Variants in EYS observed in about 807,000 individuals in gnomAD.
EYS encodes the protein EGF-like photoreceptor maintenance factor.
In EYS, 250 loss-of-function variants were observed where a neutral mutation model predicts 282.1. The observed-to-expected ratio is 0.89, with a 90% CI of 0.80 to 0.98. The LOEUF (loss-of-function observed/expected upper bound fraction) is 0.98, where lower values mean the gene tolerates loss of function less well. Among genes scored for constraint, EYS ranks in the 50% least tolerant of loss-of-function variants. The pLI is 0.00. For missense variants in EYS, 4,016 were observed against 3,709.0 expected, an observed-to-expected ratio of 1.08 and a Z score of -2.15; for synonymous variants, 1,355 against 1,282.9, an observed-to-expected ratio of 1.06 and a Z score of -1.20.
intron 16 of EYS, among the ~76,000 whole-genome samples, chr6:64,903,415 C>A (rs2150072173): frequency 6.6e-6 from 1 of 152,206 alleles, no homozygotes; most frequent in African/African-American, 2.4e-5. Context: ...AAACTGTATT[C>A]ATTGTTTGCA....
Position 64,566,957 on chromosome 6 carries a change from T to C in EYS, c.5644+23266A>G, listed in dbSNP as rs1294634392. Among the ~76,000 whole-genome samples the C allele has an allele frequency of 2.6e-5, 4 of 152,074 alleles. No homozygotes were observed. The East Asian group carries it at 5.8e-4, about 22-fold the overall frequency. On this transcript the variant is annotated intron_variant, in intron 26 of 42. Coordinates refer to ENST00000503581, the MANE Select transcript of EYS (RefSeq NM_001142800.2). ...CCCAGCTAATGTTTTGAGTTTTTAA[T>C]AGAGACAGGGTTTCACCATGTTGGC...
Position 64,514,402 on chromosome 6 carries a change from C to T in EYS, c.5645-75050G>A, listed in dbSNP as rs114025631. ...AAATTAGGAGACTACATGGTTCCAT[C>T]GATCTTAAAAGAACAAACACTTGCC... is the stretch of plus-strand genomic sequence containing the variant. On this transcript the variant is annotated intron_variant, in intron 26 of 42. Transcript: ENST00000503581. Among the ~76,000 whole-genome samples, 189 of 151,872 alleles carry T rather than the reference C, an allele frequency of 1.2e-3. 1 individual carries two copies. The highest frequency in any genetic ancestry group is 6.8e-3 in the Middle Eastern group (2 of 294).
intron 7 of EYS, among the ~76,000 whole-genome samples, chr6:65,391,918 C>A (rs1766052291): frequency 6.6e-6 from 1 of 152,128 alleles, no homozygotes; most frequent in Admixed American, 6.5e-5. Context: ...TGACTTCAAA[C>A]TATACTACAA....
chr6:65,205,731 A>C (rs1469047158), intron 12 of EYS, among the ~76,000 whole-genome samples: 1 of 151,972 alleles, frequency 6.6e-6, no homozygotes, highest in Admixed American at 6.6e-5. Context: ...ATCATTACCA[A>C]GAAGAACTCT....
At chr6:64,026,358 A>T (rs894386830) in intron 33 of EYS, among the ~76,000 whole-genome samples, 1 of 152,134 alleles carries the variant, frequency 6.6e-6, no homozygotes, top group Admixed American at 6.5e-5. Flanking sequence ...TGTCTTTCAG[A>T]TGGGAAACAC....
At chr6:64,633,692 C>T (rs1290531081) in intron 22 of EYS, among the ~76,000 whole-genome samples, 1 of 151,624 alleles carries the variant, frequency 6.6e-6, no homozygotes, top group Non-Finnish European at 1.5e-5. Flanking sequence ...AGTTGGCTTC[C>T]TCCTACTCTG....
At chr6:64,096,858 C>A (rs1772637568) in intron 31 of EYS, among the ~76,000 whole-genome samples, 1 of 152,164 alleles carries the variant, frequency 6.6e-6, no homozygotes. Context: ...TTTTTCTGCT[C>A]TGTTTTTTCC....
At chr6:65,169,246 AG>A (rs1463472191) in intron 12 of EYS, among the ~76,000 whole-genome samples, 1 of 151,394 alleles carries the variant, frequency 6.6e-6, no homozygotes, top group Non-Finnish European at 1.5e-5. Flanking sequence ...AGATTGGAAA[AG>A]GCCAAGAGCT....
At chr6:64,487,820 A>G (rs1488518488) in intron 26 of EYS, among the ~76,000 whole-genome samples, 1 of 151,034 alleles carries the variant, frequency 6.6e-6, no homozygotes, top group Non-Finnish European at 1.5e-5. Flanking sequence ...AGTATTTACT[A>G]TGTGTTAGTG....
At chr6:64,366,649 G>A (rs1283303437) in intron 29 of EYS, among the ~76,000 whole-genome samples, 2 of 152,068 alleles carry the variant, frequency 1.3e-5, no homozygotes, top group Admixed American at 6.6e-5. Context: ...CAAGGAGGCT[G>A]TTAGCAAAGG....
At chr6:64,819,928 G>A (rs1764851422) in intron 21 of EYS, among the ~76,000 whole-genome samples, 1 of 151,950 alleles carries the variant, frequency 6.6e-6, no homozygotes, top group African/African-American at 2.4e-5. Context: ...ACTACAAATG[G>A]CAAATAATAG....
At position 65,477,671 on chromosome 6, in the gene EYS, G is replaced by A. The variant is rs193284957; in HGVS notation, c.862+12923C>T. Among the ~76,000 whole-genome samples the A allele has an allele frequency of 2.6e-5, 4 of 152,150 alleles. No homozygotes were observed. In the East Asian group the frequency reaches 7.7e-4, roughly 29 times the overall value. The stretch of plus-strand genomic sequence containing the variant: ...TTTTTTCACTTTTAAAACAAAGAAA[G>A]CAATCATGTAATTTTCAGTTAGTAT... On this transcript the variant is annotated intron_variant, in intron 5 of 42. Coordinates refer to ENST00000503581, the MANE Select transcript of EYS (RefSeq NM_001142800.2).
chr6:64,537,609 A>T (rs940927076), intron 26 of EYS, among the ~76,000 whole-genome samples: 1 of 152,262 alleles, frequency 6.6e-6, no homozygotes, highest in South Asian at 2.1e-4. Context: ...TAGCTGCTCA[A>T]AGTTACTTAT....
chr6:65,054,935 A>G (rs575383441), intron 13 of EYS, among the ~76,000 whole-genome samples: 1 of 151,682 alleles, frequency 6.6e-6, no homozygotes, highest in African/African-American at 2.4e-5. Context: ...TTTTAATGGA[A>G]AATATTTTGG....
intron 12 of EYS, among the ~76,000 whole-genome samples, chr6:65,107,295 AT>A (rs34176335): frequency 0.026 from 3,437 of 134,636 alleles, 94 homozygotes; most frequent in African/African-American, 0.073. Context: ...TCTGGGTTGC[AT>A]TTTTTTTTTT....
chr6:64,701,727 G>C (rs769546601), intron 22 of EYS, among the ~76,000 whole-genome samples: 6 of 151,870 alleles, frequency 4.0e-5, no homozygotes, highest in Non-Finnish European at 8.8e-5. Context: ...GAGAAATTAC[G>C]TAATAGGTAC....
chr6:64,476,517 G>GA (rs1776270474), intron 26 of EYS, among the ~76,000 whole-genome samples: 1 of 151,746 alleles, frequency 6.6e-6, no homozygotes, highest in Admixed American at 6.6e-5. Flanking sequence ...GTTGCAGAGT[G>GA]AAAAAAATAT....
chr6:64,317,558 G>T (rs1328122043), intron 29 of EYS, among the ~76,000 whole-genome samples: 1 of 152,088 alleles, frequency 6.6e-6, no homozygotes, highest in Non-Finnish European at 1.5e-5. Flanking sequence ...TGAAAAAATA[G>T]AAACGCTTTT....
At chr6:65,627,262 T>G (rs1766736706) in intron 2 of EYS, among the ~76,000 whole-genome samples, 1 of 152,142 alleles carries the variant, frequency 6.6e-6, no homozygotes, top group Admixed American at 6.5e-5. Flanking sequence ...AGAGAGAAAA[T>G]ATCCCAGTGA....
Sources: allele counts gnomAD v4.1 joint callset (sites outside exome capture counted in the v4.1 genomes callset), GRCh38; gene constraint gnomAD v4.1.1; transcripts MANE v1.5; gene names NCBI Gene and HGNC (gene_info 2026-07-23, HGNC 2026-07-21).